Variants in PHACTR3 observed in about 807,000 individuals in gnomAD.
The protein encoded by PHACTR3 is protein phosphatase 1, regulatory subunit 123.
In PHACTR3, 16 loss-of-function variants were observed where a neutral mutation model predicts 66.8. The observed-to-expected ratio is 0.24, with a 90% CI of 0.16 to 0.36. PHACTR3 has a LOEUF of 0.36. Ranked by LOEUF, PHACTR3 falls within the 10% of genes least tolerant of loss-of-function variation. The pLI is 1.00. For missense variants in PHACTR3, 647 were observed against 719.9 expected, an observed-to-expected ratio of 0.90 and a Z score of 1.16; for synonymous variants, 323 against 292.1, an observed-to-expected ratio of 1.11 and a Z score of -1.08.
At position 59,737,747 on chromosome 20, in the gene PHACTR3, C is replaced by T. The variant is rs147476472; in HGVS notation, c.119-5360C>T. Among the ~76,000 whole-genome samples, 30 of 152,168 alleles carry T rather than the reference C, an allele frequency of 2.0e-4. No homozygotes were observed. The South Asian group carries it at 4.2e-3, about 21-fold the overall frequency. ...AGTACAGCCCCACAAAGGCAGGCAT[C>T]GTCTCTTTTGTTCACCTCTGCACAC... On this transcript the variant is annotated intron_variant, in intron 1 of 12. Coordinates refer to ENST00000371015, the MANE Select transcript of PHACTR3 (RefSeq NM_080672.5).
Position 59,836,867 on chromosome 20 carries a change from T to C in PHACTR3, c.1384+307T>C, listed in dbSNP as rs144600780. ...TCTTCCTGGCAGTTTGGGTCGGGGT[T>C]CTTCATGGCTATAGAAATCACAAAG... On this transcript the variant is annotated intron_variant, in intron 9 of 12. Coordinates refer to ENST00000371015, the MANE Select transcript of PHACTR3 (RefSeq NM_080672.5). 6.6e-3 allele frequency among the ~76,000 whole-genome samples: 1,004 copies of C among 152,308 alleles called. 8 individuals carry two copies. The highest frequency in any genetic ancestry group is 0.017 in the South Asian group (82 of 4,826).
chr20:59,579,461 T>A (rs2032802526), intron 1 of PHACTR3, among the ~76,000 whole-genome samples: 1 of 152,180 alleles, frequency 6.6e-6, no homozygotes, highest in Non-Finnish European at 1.5e-5. Context: ...GAGGTGAGAA[T>A]TCACTTGATG....
chr20:59,725,991 A>G (rs143519525), intron 1 of PHACTR3, among the ~76,000 whole-genome samples: 1 of 152,250 alleles, frequency 6.6e-6, no homozygotes, highest in Non-Finnish European at 1.5e-5. Context: ...TTCTACTCCG[A>G]TCCTCTCCGA....
At chr20:59,731,797 C>A (rs749313938) in intron 1 of PHACTR3, among the ~76,000 whole-genome samples, 1 of 152,162 alleles carries the variant, frequency 6.6e-6, no homozygotes, top group Non-Finnish European at 1.5e-5. Flanking sequence ...CTAGAAGAAG[C>A]TTAATGACTT....
At chr20:59,825,368 CCACTCATGCATTCAGA>C (rs1414561456) in intron 8 of PHACTR3, among the ~76,000 whole-genome samples, 1 of 152,190 alleles carries the variant, frequency 6.6e-6, no homozygotes, top group African/African-American at 2.4e-5. Context: ...ATTCATGTAT[CCACTCATGCATTCAGA>C]CACTCATTCA....
chr20:59,720,344 A>C (rs2038247631), intron 1 of PHACTR3, among the ~76,000 whole-genome samples: 1 of 152,078 alleles, frequency 6.6e-6, no homozygotes, highest in Non-Finnish European at 1.5e-5. Flanking sequence ...CCAGGTGTTC[A>C]CCCGGATGGG....
intron 1 of PHACTR3, among the ~76,000 whole-genome samples, chr20:59,717,633 C>A (rs1159396780): frequency 6.6e-6 from 1 of 151,918 alleles, no homozygotes; most frequent in East Asian, 1.9e-4. Context: ...GGAAACCCAC[C>A]CCCCAGCCCG....
intron 7 of PHACTR3, 124 bp downstream of exon 7, chr20:59,774,614 CAA>C (rs969922314): frequency 8.4e-6 from 11 of 1,307,106 alleles, no homozygotes; most frequent in African/African-American, 4.5e-5. Context: ...TGGGGAGAAA[CAA>C]GAGGGGGGCT....
At chr20:59,803,429 C>CT (rs970614279) in intron 7 of PHACTR3, among the ~76,000 whole-genome samples, 2 of 151,798 alleles carry the variant, frequency 1.3e-5, no homozygotes, top group African/African-American at 4.8e-5. Context: ...GCAATGACTT[C>CT]TTTTTTTATA....
chr20:59,805,757 A>T (rs940735069), intron 7 of PHACTR3, among the ~76,000 whole-genome samples: 1 of 152,308 alleles, frequency 6.6e-6, no homozygotes, highest in South Asian at 2.1e-4. Flanking sequence ...TGCTATTAGT[A>T]ATCATCTGGG....
intron 7 of PHACTR3, among the ~76,000 whole-genome samples, chr20:59,782,350 C>T (rs2040753592): frequency 6.6e-6 from 1 of 152,144 alleles, no homozygotes; most frequent in Non-Finnish European, 1.5e-5. Context: ...CTCCGGAGTT[C>T]AAACAATTCT....
rs150562095 is a variant in PHACTR3, at chr20:59,780,863, T to G, written c.1174+6373T>G. ...GTAAATGGGGGTGACAAGAAAGTTC[T>G]TATGAAGGTCAACAGGGGTGCTCAC... On this transcript the variant is annotated intron_variant, in intron 7 of 12. Transcript: ENST00000371015. Among the ~76,000 whole-genome samples the G allele has an allele frequency of 2.4e-4, 36 of 152,332 alleles. No individual in the cohort carries two copies. In the East Asian group the frequency reaches 6.8e-3, roughly 29 times the overall value.
intron 7 of PHACTR3, among the ~76,000 whole-genome samples, chr20:59,792,973 C>T (rs1193009858): frequency 1.3e-5 from 2 of 152,152 alleles, no homozygotes; most frequent in African/African-American, 4.8e-5. Context: ...AAGCCTTGAC[C>T]TCTTGGGCTC....
chr20:59,839,902 G>T (rs1242607069), intron 9 of PHACTR3, among the ~76,000 whole-genome samples: 2 of 152,120 alleles, frequency 1.3e-5, no homozygotes, highest in Non-Finnish European at 2.9e-5. Flanking sequence ...TTTTATGTTG[G>T]TTAAAAAGTC....
chr20:59,728,806 G>A (rs1292658084), intron 1 of PHACTR3, among the ~76,000 whole-genome samples: 1 of 149,948 alleles, frequency 6.7e-6, no homozygotes, highest in Non-Finnish European at 1.5e-5. Flanking sequence ...AGTGGGGAGG[G>A]ACCGACAACA....
At chr20:59,799,170 G>C (rs1019106216) in intron 7 of PHACTR3, among the ~76,000 whole-genome samples, 1 of 130,238 alleles carries the variant, frequency 7.7e-6, no homozygotes, top group African/African-American at 3.0e-5. Context: ...TGAGTCCTTT[G>C]GCATTTATTG....
intron 11 of PHACTR3, among the ~76,000 whole-genome samples, chr20:59,842,039 C>T (rs2059072837): frequency 1.3e-5 from 2 of 152,270 alleles, no homozygotes; most frequent in Non-Finnish European, 1.5e-5. Context: ...TCTAGATTCT[C>T]CCCCTGGACT....
In PHACTR3 at chr20:59,815,439, T is replaced by G. The variant is rs1222283328; in HGVS notation, c.1328+9245T>G. ...TCTGGTTTTTTTTTTTTTGTTTTTT[T>G]TTTTGAGATGGACTCTCACTCTGTC... On this transcript the variant is annotated intron_variant, in intron 8 of 12. Transcript: ENST00000371015. Among the ~76,000 whole-genome samples, 12 of 150,318 alleles carry G rather than the reference T, an allele frequency of 8.0e-5. No homozygotes were observed. In the South Asian group the frequency reaches 1.3e-3, roughly 16 times the overall value.
At chr20:59,582,073 A>T (rs1222220829) in intron 1 of PHACTR3, among the ~76,000 whole-genome samples, 2 of 152,174 alleles carry the variant, frequency 1.3e-5, no homozygotes, top group Non-Finnish European at 2.9e-5. Context: ...AATTGAAAAC[A>T]TTGCAAATAA....
Sources: allele counts gnomAD v4.1 joint callset (sites outside exome capture counted in the v4.1 genomes callset), GRCh38; gene constraint gnomAD v4.1.1; transcripts MANE v1.5; gene names NCBI Gene and HGNC (gene_info 2026-07-23, HGNC 2026-07-21).